The following TREM1 variants were observed in gnomAD, a reference collection of about 807,000 sequenced individuals.
TREM1 encodes the protein triggering receptor expressed on monocytes 1.
In TREM1, 16 loss-of-function variants were observed where a neutral mutation model predicts 22.4. That is an observed-to-expected ratio of 0.71 (90% CI 0.48 to 1.08). The LOEUF is 1.08. Among genes scored for constraint, TREM1 ranks in the 50% least tolerant of loss-of-function variants. TREM1 has a pLI of 0.00. For missense variants in TREM1, 283 were observed against 282.9 expected, an observed-to-expected ratio of 1.00 and a Z score of 0.00; for synonymous variants, 110 against 111.6, an observed-to-expected ratio of 0.99 and a Z score of 0.09.
chr6:41,280,785 T>C lies in TREM1; in HGVS notation c.599+176A>G, dbSNP rs559695069. ...GGACAGCCTGGCTGAGAGCCTCCCC[T>C]ATTCTCCATCACCACTTCCTTCTTC... On this transcript the variant is annotated intron_variant, in intron 3 of 3. Coordinates refer to ENST00000244709, the MANE Select transcript of TREM1 (RefSeq NM_018643.5). 1.4e-5 allele frequency: 21 copies of C among 1,468,074 alleles called. No homozygotes were observed. In the Admixed American group the frequency reaches 3.0e-4, roughly 21 times the overall value. The allele number at this position is 1,468,074 out of a possible 1,614,324, so 90.9% of individuals were successfully genotyped here.
At chr6:41,276,290 T>C in intron 3 of TREM1, 60 bp from the exon 4 acceptor site, 1 of 1,299,576 alleles carries the variant, frequency 7.7e-7, no homozygotes, top group Admixed American at 1.8e-5. Flanking sequence ...ACGCACATGT[T>C]CCCTCTAGAA....
In TREM1 at chr6:41,274,036, C is replaced by G. The variant is rs921146018; in HGVS notation, c.*2089G>C. On this transcript the variant is annotated 3_prime_UTR_variant, in exon 4 of 4. Coordinates refer to ENST00000244709, the MANE Select transcript of TREM1 (RefSeq NM_018643.5). ...AGTGCAAATGGGAGAGTATCCAGCA[C>G]GGCCATTTGTCTTCCGATTTAGTGC... 2.0e-5 allele frequency among the ~76,000 whole-genome samples: 3 copies of G among 152,174 alleles called. No individual in the cohort carries two copies. Among genetic ancestry groups the G allele is most frequent in the African/African-American group, 7.2e-5 (3 of 41,434 alleles).
chr6:41,282,528 A>G lies in TREM1; in HGVS notation c.273T>C (p.His91=), dbSNP rs1767970679. 2 of 1,614,058 alleles carry G rather than the reference A, an allele frequency of 1.2e-6. No homozygotes were observed. The highest frequency in any genetic ancestry group is 1.7e-6 in the Non-Finnish European group (2 of 1,180,036). Reference sequence around the variant, plus strand: ...TTCGGACGCGCAGTAAACCATGATCATGGTAGTCTTCTAGTATGATCCTCC... The same window carrying G: ...TTCGGACGCGCAGTAAACCATGATCGTGGTAGTCTTCTAGTATGATCCTCC... ...QVGRIILEDY[H]DHGLLRVRMV... is the part of the protein sequence containing the mutation. The change falls in exon 2 of 4, where the codon CAT becomes CAC. Residue 91 remains histidine, a synonymous_variant. Transcript: ENST00000244709.
Position 41,286,475 on chromosome 6 carries a change from G to A in TREM1, c.49+132C>T, listed in dbSNP as rs543896176. ...GCATGTTCTCCCAATTCTGGGTAGAGCAGCACGGTCTGCCATAACTACTGG... is the reference window on the plus strand; with the variant it reads ...GCATGTTCTCCCAATTCTGGGTAGAACAGCACGGTCTGCCATAACTACTGG... On this transcript the variant is annotated intron_variant, in intron 1 of 3. Transcript: ENST00000244709. 716 of 842,318 alleles carry A rather than the reference G, an allele frequency of 8.5e-4. 1 individual carries two copies. The highest frequency in any genetic ancestry group is 1.2e-3 in the Non-Finnish European group (642 of 523,406). 52.2% of individuals were successfully genotyped at this position (842,318 alleles called of 1,614,324 possible). A position where few individuals can be genotyped will look rare whatever the true frequency, so the allele number is the denominator to read the frequency against.
chr6:41,277,973 G>C (rs1008365493), intron 3 of TREM1, among the ~76,000 whole-genome samples: 6 of 145,738 alleles, frequency 4.1e-5, no homozygotes, highest in African/African-American at 1.5e-4. Flanking sequence ...CCAGGCTGGA[G>C]TACAGTGGCT....
rs1426320654 is a variant in TREM1 at position 41,275,515 on chromosome 6, T to C, written c.*610A>G. 6.5e-6 allele frequency: 1 copy of C among 152,678 alleles called. No individual in the cohort carries two copies. Among genetic ancestry groups the C allele is most frequent in the African/African-American group, 2.4e-5 (1 of 41,452 alleles). The allele number at this position is 152,678 out of a possible 1,614,324, so 9.5% of individuals were successfully genotyped here. On this transcript the variant is annotated 3_prime_UTR_variant, in exon 4 of 4. Coordinates refer to ENST00000244709, the MANE Select transcript of TREM1 (RefSeq NM_018643.5). ...TGGATCCCATCTCGGCCTGCCAGTATTTCCCCAGAAGAAGATACTCAGTTT... is the reference window on the plus strand; with the variant it reads ...TGGATCCCATCTCGGCCTGCCAGTACTTCCCCAGAAGAAGATACTCAGTTT...
In TREM1 at chr6:41,274,763, C is replaced by T. The variant is rs914264056; in HGVS notation, c.*1362G>A. Among the ~76,000 whole-genome samples the T allele has an allele frequency of 6.6e-5, 10 of 152,030 alleles. No individual in the cohort carries two copies. Among genetic ancestry groups the T allele is most frequent in the South Asian group, 6.2e-4 (3 of 4,826 alleles). ...TTAGGGGAATGGGGAAGTCCTTATG[C>T]GATGGAGCAGTCTGGAAGCTGGACC... On this transcript the variant is annotated 3_prime_UTR_variant, in exon 4 of 4. Transcript: ENST00000244709.
intron 2 of TREM1, 75 bp downstream of exon 2, chr6:41,282,320 A>T (rs1767953172): frequency 8.4e-7 from 1 of 1,196,166 alleles, no homozygotes; most frequent in Non-Finnish European, 1.2e-6. Context: ...CCTGAACCCC[A>T]GCTCTGCTGA....
intron 3 of TREM1, among the ~76,000 whole-genome samples, chr6:41,279,042 C>G (rs1767788957): frequency 6.6e-6 from 1 of 152,176 alleles, no homozygotes; most frequent in African/African-American, 2.4e-5. Flanking sequence ...GCCCCAGCAG[C>G]AAAGAATCAA....
At chr6:41,278,611 C>T (rs933077751) in intron 3 of TREM1, among the ~76,000 whole-genome samples, 8 of 151,164 alleles carry the variant, frequency 5.3e-5, no homozygotes, top group African/African-American at 1.5e-4. Flanking sequence ...GAGCCATGAT[C>T]GTGCCACTCC....
chr6:41,278,572 C>A (rs1251404899), intron 3 of TREM1, among the ~76,000 whole-genome samples: 1 of 150,338 alleles, frequency 6.7e-6, no homozygotes, highest in Non-Finnish European at 1.5e-5. Flanking sequence ...ACTTGGGAGG[C>A]AAAGGTGGGA....
intron 3 of TREM1, chr6:41,280,300 G>T: frequency 3.0e-6 from 3 of 983,770 alleles, no homozygotes; most frequent in Non-Finnish European, 3.6e-6. Context: ...CTAAGTTAGT[G>T]GTTCTTAAGT....
At chr6:41,279,263 G>A (rs1433607450) in intron 3 of TREM1, among the ~76,000 whole-genome samples, 1 of 152,214 alleles carries the variant, frequency 6.6e-6, no homozygotes, top group Non-Finnish European at 1.5e-5. Flanking sequence ...TTAAAACCCA[G>A]AAAACTTTGT....
chr6:41,281,354 G>A, intron 2 of TREM1: 1 of 611,526 alleles, frequency 1.6e-6, no homozygotes, highest in Non-Finnish European at 2.7e-6. Flanking sequence ...AAGAAATACT[G>A]TGGAGTCAAC....
At position 41,282,725 on chromosome 6, in the gene TREM1, CA is replaced by C. The variant is rs771112845; in HGVS notation, c.75del (p.Glu26ArgfsTer6). 6.8e-6 allele frequency: 11 copies of C among 1,613,680 alleles called. No homozygotes were observed. The South Asian group carries it at 1.2e-4, about 18-fold the overall frequency. ...CCCTCTTTCAGTTCATACTTTTCCT[CA>C]GTTAATTTAGTTGCAGCTCGGAGTT... Reference protein sequence around the residue: ...VSELRAATKLTEEKYELKEGQ... With the variant: ...VSELRAATKLXEEKYELKEGQ... On this transcript the variant is annotated frameshift_variant, in exon 2 of 4. Transcript: ENST00000244709. LOFTEE classifies it high-confidence loss of function.
chr6:41,280,834 A>G (rs754175839), intron 3 of TREM1, 127 bp downstream of exon 3: 8 of 1,530,768 alleles, frequency 5.2e-6, no homozygotes, highest in Non-Finnish European at 7.0e-6. Flanking sequence ...TACCCAGACT[A>G]ATGTGACTCA....
chr6:41,276,229 C>T lies in TREM1; in HGVS notation c.601G>A (p.Val201Ile), dbSNP rs772571311. ...AGAATGACAATGTTGAACACCGGAA[C>T]CCTGCGGGAGACAAGAGGCTGAACG... ...NLTNVTDIIR[V>I]PVFNIVILLA... Residue 201 changes from valine (V) to isoleucine (I), a missense_variant and splice_region_variant, in exon 4 of 4, where the codon GTT (valine) becomes ATT (isoleucine). Val to Ile is a conservative substitution (Grantham distance 29, BLOSUM62 3). Coordinates refer to ENST00000244709, the MANE Select transcript of TREM1 (RefSeq NM_018643.5). The T allele has an allele frequency of 2.7e-5, 43 of 1,613,312 alleles. No homozygotes were observed. The highest frequency in any genetic ancestry group is 3.1e-5 in the Non-Finnish European group (37 of 1,179,444).
intron 3 of TREM1, among the ~76,000 whole-genome samples, chr6:41,278,250 C>T (rs1181629921): frequency 6.6e-6 from 1 of 151,820 alleles, no homozygotes; most frequent in Non-Finnish European, 1.5e-5. Flanking sequence ...CAAGACTTTA[C>T]AGCTTGCTTC....
intron 3 of TREM1, chr6:41,280,403 G>A: frequency 1.0e-6 from 1 of 989,848 alleles, no homozygotes; most frequent in Non-Finnish European, 1.2e-6. Flanking sequence ...ATCTATAATT[G>A]GGCACATGCA....
Sources: gnomAD v4.1 joint callset for allele counts (sites outside exome capture counted in the v4.1 genomes callset) on GRCh38, gnomAD v4.1.1 for gene constraint, MANE v1.5 for transcripts, NCBI Gene and HGNC (gene_info 2026-07-23, HGNC 2026-07-21) for gene names.